Variants in MLIP observed in about 807,000 individuals in gnomAD.
MLIP encodes muscular LMNA interacting protein.
In MLIP, 79 loss-of-function variants were observed where a neutral mutation model predicts 84.8. The observed-to-expected ratio is 0.93, with a 90% confidence interval of 0.78 to 1.12. The LOEUF (loss-of-function observed/expected upper bound fraction) is 1.12. Among genes scored for constraint, MLIP ranks in the 50% most tolerant of loss-of-function variants. The probability of loss-of-function intolerance (pLI) is 0.00; values close to 1 mark genes in which losing one functional copy is unlikely to be tolerated. For synonymous variants in MLIP, 504 were observed against 463.0 expected (o/e 1.09, Z -1.14); for missense variants, 1,257 against 1,160.6 (o/e 1.08, Z -1.21).
At chr6:54,148,692 T>C (rs970527412) in intron 4 of MLIP, among the ~76,000 whole-genome samples, 3 of 152,128 alleles carry the variant, frequency 2.0e-5, no homozygotes, top group African/African-American at 7.2e-5. Flanking sequence ...AACATTCCTT[T>C]GAGGATCAAG....
chr6:54,124,376 GA>G, intron 2 of MLIP, 96 bp from the exon 3 acceptor site: 1 of 1,109,918 alleles, frequency 9.0e-7, no homozygotes, highest in East Asian at 2.6e-5. Context: ...ATATATTTTT[GA>G]AAATATAAGG....
chr6:54,021,340 TAC>T (rs1561870129), intron 1 of MLIP, among the ~76,000 whole-genome samples: 1 of 152,200 alleles, frequency 6.6e-6, no homozygotes, highest in African/African-American at 2.4e-5. Context: ...TATTGTGTTA[TAC>T]GTTTGTTAAA....
At chr6:54,058,144 G>T (rs1262651976) in intron 1 of MLIP, 1 of 4,522 alleles carries the variant, frequency 2.2e-4, no homozygotes, top group Admixed American at 4.9e-3. Flanking sequence ...ATTTTAGGGG[G>T]AATAGAAAAA....
intron 3 of MLIP, among the ~76,000 whole-genome samples, chr6:54,126,249 TAAC>T (rs1203470050): frequency 6.6e-6 from 1 of 152,102 alleles, no homozygotes; most frequent in African/African-American, 2.4e-5. Flanking sequence ...AATAAAAAAT[TAAC>T]AAAGCAATTG....
intron 12 of MLIP, among the ~76,000 whole-genome samples, chr6:54,243,875 C>T (rs918909242): frequency 6.6e-6 from 1 of 152,050 alleles, no homozygotes; most frequent in Admixed American, 6.6e-5. Flanking sequence ...AAACTGAAGC[C>T]CAAAGATGCA....
intron 11 of MLIP, among the ~76,000 whole-genome samples, chr6:54,212,389 G>C (rs1396800036): frequency 6.6e-6 from 1 of 152,084 alleles, no homozygotes; most frequent in Non-Finnish European, 1.5e-5. Flanking sequence ...CCTGATATTT[G>C]ATGATTAGAT....
chr6:54,256,803 G>C (rs1448007924), intron 12 of MLIP, among the ~76,000 whole-genome samples: 1 of 152,100 alleles, frequency 6.6e-6, no homozygotes, highest in African/African-American at 2.4e-5. Flanking sequence ...TGTATGTATT[G>C]AGATTATTAA....
intron 1 of MLIP, among the ~76,000 whole-genome samples, chr6:54,051,346 C>G (rs943916911): frequency 2.0e-5 from 3 of 151,774 alleles, no homozygotes; most frequent in African/African-American, 7.3e-5. Flanking sequence ...TTTAAATATG[C>G]CACTTCAAAT....
intron 1 of MLIP, among the ~76,000 whole-genome samples, chr6:54,038,128 A>G (rs570419773): frequency 6.6e-5 from 10 of 151,958 alleles, no homozygotes; most frequent in Non-Finnish European, 1.2e-4. Flanking sequence ...AAGGGGACAT[A>G]CTAGACTATT....
chr6:54,229,049 A>G (rs1214415042), intron 11 of MLIP, among the ~76,000 whole-genome samples: 2 of 152,212 alleles, frequency 1.3e-5, no homozygotes, highest in Non-Finnish European at 2.9e-5. Context: ...TTTTCATTCA[A>G]TGTTAGAGGC....
At chr6:54,112,149 A>G (rs1769519843) in intron 1 of MLIP, among the ~76,000 whole-genome samples, 1 of 152,252 alleles carries the variant, frequency 6.6e-6, no homozygotes. Context: ...TTAATTGGCA[A>G]TTAACAAGTG....
intron 12 of MLIP, among the ~76,000 whole-genome samples, chr6:54,233,048 A>G (rs1781113977): frequency 6.6e-6 from 1 of 152,352 alleles, no homozygotes; most frequent in Non-Finnish European, 1.5e-5. Flanking sequence ...AGGGAACTTT[A>G]TAACTGGGTG....
At chr6:54,172,839 A>G (rs762231101) in intron 9 of MLIP, among the ~76,000 whole-genome samples, 1 of 151,750 alleles carries the variant, frequency 6.6e-6, no homozygotes, top group Non-Finnish European at 1.5e-5. Flanking sequence ...AGTAAAAGCA[A>G]CACTAATTCA....
chr6:54,248,181 G>C (rs1782219161), intron 12 of MLIP, among the ~76,000 whole-genome samples: 1 of 152,088 alleles, frequency 6.6e-6, no homozygotes. Context: ...AAAACAGAGA[G>C]AGAAAAATAT....
At position 54,111,510 on chromosome 6, in the gene MLIP, T is replaced by C. The variant is rs1769460341; in HGVS notation, c.31T>C (p.Cys11Arg). 6.5e-7 allele frequency: 1 copy of C among 1,536,082 alleles called. No individual in the cohort carries two copies. Among genetic ancestry groups the C allele is most frequent in the South Asian group, 1.2e-5 (1 of 84,056 alleles). Residue 11 changes from cysteine (C) to arginine (R), a missense_variant, in exon 1 of 14, where the codon TGC becomes CGC. By Grantham distance (180) the Cys-to-Arg change is radical (BLOSUM62 -3). Coordinates refer to ENST00000502396, the MANE Select transcript of MLIP (RefSeq NM_001281747.2). MLSEQGLLSDCGNNYFQMTSC... is the reference protein window; with the variant it reads MLSEQGLLSDRGNNYFQMTSC... ...TTCAGAACAGGGGCTTCTGAGTGACTGCGGGAACAATTACTTCCAAATGAC... is the reference window on the plus strand; with the variant it reads ...TTCAGAACAGGGGCTTCTGAGTGACCGCGGGAACAATTACTTCCAAATGAC...
At position 54,253,759 on chromosome 6, in the gene MLIP, G is replaced by A. The variant is rs571089785; in HGVS notation, c.2923-3549G>A. Among the ~76,000 whole-genome samples, 3 of 152,140 alleles carry A rather than the reference G, an allele frequency of 2.0e-5. No individual in the cohort carries two copies. In the East Asian group the frequency reaches 5.8e-4, roughly 29 times the overall value. On this transcript the variant is annotated intron_variant, in intron 12 of 13. Transcript: ENST00000502396. ...TTTATGTTAGTTTGGTGGCAGCTGT[G>A]ACCAAAAGTGTAATAAAAATCAACT...
intron 3 of MLIP, among the ~76,000 whole-genome samples, chr6:54,134,615 G>C (rs1385980596): frequency 6.6e-6 from 1 of 151,932 alleles, no homozygotes; most frequent in African/African-American, 2.4e-5. Context: ...ATTAATTAAT[G>C]TAGTAGAATG....
At chr6:54,087,747 C>T (rs1767594695) in intron 1 of MLIP, among the ~76,000 whole-genome samples, 1 of 151,862 alleles carries the variant, frequency 6.6e-6, no homozygotes, top group South Asian at 2.1e-4. Flanking sequence ...GTGATGCTGC[C>T]ATTTACTGAA....
intron 2 of MLIP, among the ~76,000 whole-genome samples, chr6:54,122,438 T>A (rs1318826428): frequency 6.6e-6 from 1 of 152,212 alleles, no homozygotes; most frequent in Non-Finnish European, 1.5e-5. Flanking sequence ...TAACAAAATT[T>A]TGAGTAAAAA....
Sources: gnomAD v4.1 joint callset for allele counts (sites outside exome capture counted in the v4.1 genomes callset) on GRCh38, gnomAD v4.1.1 for gene constraint, MANE v1.5 for transcripts, NCBI Gene and HGNC (gene_info 2026-07-23, HGNC 2026-07-21) for gene names.